The following RABL3 variants were observed in gnomAD, a reference collection of about 807,000 sequenced individuals.
RABL3 encodes the protein rab-like protein 3.
A neutral mutation model predicts 31.8 loss-of-function variants in RABL3; 31 were observed. That is an observed-to-expected ratio of 0.97 (90% CI 0.73 to 1.31). The LOEUF (loss-of-function observed/expected upper bound fraction) is 1.31, where lower values mean the gene tolerates loss of function less well. RABL3 is among the 40% of genes most tolerant of loss of function. RABL3 has a pLI of 0.00. For missense variants in RABL3, 263 were observed against 279.6 expected (o/e 0.94, Z 0.42); for synonymous variants, 97 against 99.9 (o/e 0.97, Z 0.18).
chr3:120,719,017 T>A (rs6779005), intron 2 of RABL3, among the ~76,000 whole-genome samples: 41,984 of 152,008 alleles, frequency 0.28, 6,288 homozygotes, highest in Non-Finnish European at 0.33. Flanking sequence ...TCACACTTAC[T>A]GTTGGAGATT....
At chr3:120,740,946 A>G (rs1017480700) in intron 1 of RABL3, among the ~76,000 whole-genome samples, 2 of 152,216 alleles carry the variant, frequency 1.3e-5, no homozygotes, top group Non-Finnish European at 2.9e-5. Context: ...TATCCCTGTT[A>G]TATGACGCAT....
chr3:120,742,250 C>A (rs1490595599), intron 1 of RABL3, among the ~76,000 whole-genome samples: 1 of 151,846 alleles, frequency 6.6e-6, no homozygotes, highest in Admixed American at 6.6e-5. Context: ...AGGCAAAAGA[C>A]CCGGGCTCCG....
intron 6 of RABL3, 96 bp downstream of exon 6, chr3:120,694,057 G>A: frequency 1.4e-6 from 1 of 719,436 alleles, no homozygotes. Flanking sequence ...GTGAAGTTTT[G>A]GACAAAAAAA....
At chr3:120,742,341 C>A in intron 1 of RABL3, 121 bp downstream of exon 1, 3 of 912,122 alleles carry the variant, frequency 3.3e-6, no homozygotes, top group Non-Finnish European at 5.3e-6. Flanking sequence ...AGTCTTCAGG[C>A]CCTGGGAGGG....
Position 120,710,127 on chromosome 3 carries a change from C to T in RABL3, c.139-218G>A, listed in dbSNP as rs574966539. Among the ~76,000 whole-genome samples, 24 of 152,056 alleles carry T rather than the reference C, an allele frequency of 1.6e-4. No homozygotes were observed. In the South Asian group the frequency reaches 2.1e-3, roughly 13 times the overall value. On this transcript the variant is annotated intron_variant, in intron 2 of 7. Coordinates refer to ENST00000273375, the MANE Select transcript of RABL3 (RefSeq NM_173825.5). ...CTTTCACAGCTCTCTGTTCCACTTC[C>T]GAAGCCTCACCTCCCTCCTAACTAA...
intron 3 of RABL3, among the ~76,000 whole-genome samples, chr3:120,707,787 T>A (rs1708568289): frequency 6.6e-6 from 1 of 152,092 alleles, no homozygotes; most frequent in African/African-American, 2.4e-5. Flanking sequence ...GATCTTTAGG[T>A]AAGACTTTTG....
At chr3:120,739,955 C>T (rs1709021764) in intron 1 of RABL3, among the ~76,000 whole-genome samples, 1 of 152,188 alleles carries the variant, frequency 6.6e-6, no homozygotes, top group African/African-American at 2.4e-5. Flanking sequence ...ACAGTAAGAA[C>T]AGTTGAAGTG....
chr3:120,703,695 T>A (rs1016834248), intron 4 of RABL3, among the ~76,000 whole-genome samples: 9 of 151,642 alleles, frequency 5.9e-5, no homozygotes, highest in African/African-American at 1.5e-4. Context: ...AGAGAAGACA[T>A]AAAATACCAA....
intron 2 of RABL3, among the ~76,000 whole-genome samples, chr3:120,715,564 A>G (rs1421147569): frequency 6.6e-6 from 1 of 152,108 alleles, no homozygotes; most frequent in African/African-American, 2.4e-5. Context: ...AATAAATAAA[A>G]AAAGAAAGAA....
Position 120,706,134 on chromosome 3 carries a change from C to A in RABL3, c.269-20G>T. Reference sequence around the variant, plus strand: ...TAATACCTAAAATAATCAGAGAAAACAATGTTAATCCCTTAACAATTCCTC... The same window carrying A: ...TAATACCTAAAATAATCAGAGAAAAAAATGTTAATCCCTTAACAATTCCTC... On this transcript the variant is annotated intron_variant, in intron 3 of 7. Transcript: ENST00000273375. 1 of 1,431,436 alleles carries A rather than the reference C, an allele frequency of 7.0e-7. No homozygotes were observed. Among genetic ancestry groups the A allele is most frequent in the Non-Finnish European group, 9.9e-7 (1 of 1,014,022 alleles). The allele number at this position is 1,431,436 out of a possible 1,614,324, so 88.7% of individuals were successfully genotyped here.
Position 120,688,029 on chromosome 3 carries a change from TC to T in RABL3, c.*1793del, listed in dbSNP as rs1436596656. ...CCAGGCTGGTCTCAAACTCCTGATATCAAGTGATCGACCCGCCTCCCAAAGT... is the reference window on the plus strand; with the variant it reads ...CCAGGCTGGTCTCAAACTCCTGATATAAGTGATCGACCCGCCTCCCAAAGT... On this transcript the variant is annotated 3_prime_UTR_variant, in exon 8 of 8. Coordinates refer to ENST00000273375, the MANE Select transcript of RABL3 (RefSeq NM_173825.5). 6.6e-6 allele frequency: 1 copy of T among 152,046 alleles called. No homozygotes were observed. Among genetic ancestry groups the T allele is most frequent in the Non-Finnish European group, 1.5e-5 (1 of 68,024 alleles). The allele number at this position is 152,046 out of a possible 1,614,324, so 9.4% of individuals were successfully genotyped here.
In RABL3 at chr3:120,687,049, AAT is replaced by A. The variant is rs1708316704; in HGVS notation, c.*2772_*2773del. Reference sequence around the variant, plus strand: ...GCAGTTTTCTCAAATAACAGGGTGCAATATTTTGGGGTTATGTGTCCTGAATC... The same window carrying A: ...GCAGTTTTCTCAAATAACAGGGTGCAATTTTGGGGTTATGTGTCCTGAATC... On this transcript the variant is annotated 3_prime_UTR_variant, in exon 8 of 8. Coordinates refer to ENST00000273375, the MANE Select transcript of RABL3 (RefSeq NM_173825.5). 1 of 152,194 alleles carries A rather than the reference AAT, an allele frequency of 6.6e-6. No individual in the cohort carries two copies. The highest frequency in any genetic ancestry group is 2.4e-5 in the African/African-American group (1 of 41,438). 9.4% of individuals were successfully genotyped at this position (152,194 alleles called of 1,614,324 possible).
At chr3:120,736,085 T>C (rs1708958718) in intron 1 of RABL3, among the ~76,000 whole-genome samples, 2 of 152,222 alleles carry the variant, frequency 1.3e-5, no homozygotes, top group Admixed American at 1.3e-4. Context: ...GTGAGTTCAA[T>C]TCCTGGATAT....
At chr3:120,726,163 C>T (rs1374165197) in intron 2 of RABL3, among the ~76,000 whole-genome samples, 1 of 152,008 alleles carries the variant, frequency 6.6e-6, no homozygotes, top group Non-Finnish European at 1.5e-5. Flanking sequence ...AGAGAAGAGA[C>T]TAGCAGTATT....
chr3:120,713,711 C>T (rs1284284780), intron 2 of RABL3, among the ~76,000 whole-genome samples: 2 of 151,998 alleles, frequency 1.3e-5, no homozygotes, highest in Non-Finnish European at 2.9e-5. Flanking sequence ...TTTGGACCTT[C>T]TCATTTATTC....
intron 2 of RABL3, among the ~76,000 whole-genome samples, chr3:120,723,351 C>T (rs1175611561): frequency 6.6e-6 from 1 of 152,128 alleles, no homozygotes; most frequent in Non-Finnish European, 1.5e-5. Context: ...GGATTCACAG[C>T]CAAATTCCAC....
At chr3:120,723,955 C>A (rs377431665) in intron 2 of RABL3, among the ~76,000 whole-genome samples, 1 of 151,990 alleles carries the variant, frequency 6.6e-6, no homozygotes, top group Non-Finnish European at 1.5e-5. Flanking sequence ...CCAGGGCAAT[C>A]AGGCAGGAGA....
At chr3:120,736,563 G>C (rs1263594812) in intron 1 of RABL3, among the ~76,000 whole-genome samples, 1 of 152,190 alleles carries the variant, frequency 6.6e-6, no homozygotes, top group Non-Finnish European at 1.5e-5. Context: ...GTGTGAATTT[G>C]ATCCTGTCAT....
rs1046231484 is a variant in RABL3 at position 120,686,146 on chromosome 3, G to A, written c.*3677C>T. On this transcript the variant is annotated 3_prime_UTR_variant, in exon 8 of 8. Transcript: ENST00000273375. ...GCGACCCTTCCTCTCCCACCACAGT[G>A]ATTTAGCTCAGTCTTGGGACTGCGG... Among the ~76,000 whole-genome samples the A allele has an allele frequency of 2.6e-5, 4 of 152,232 alleles. No homozygotes were observed.
Sources: gnomAD v4.1 joint callset for allele counts (sites outside exome capture counted in the v4.1 genomes callset) on GRCh38, gnomAD v4.1.1 for gene constraint, MANE v1.5 for transcripts, NCBI Gene and HGNC (gene_info 2026-07-23, HGNC 2026-07-21) for gene names.